The following CCSER1 variants were observed in gnomAD, a reference collection of about 807,000 sequenced individuals.
CCSER1 encodes the protein serine-rich coiled-coil domain-containing protein 1.
CCSER1 carries 41 observed loss-of-function variants against 82.0 expected under a neutral mutation model. The observed-to-expected ratio is 0.50, with a 90% confidence interval of 0.39 to 0.65. The LOEUF (loss-of-function observed/expected upper bound fraction) is 0.65. Among genes scored for constraint, CCSER1 ranks in the 30% least tolerant of loss-of-function variants. The pLI is 0.00. For synonymous variants in CCSER1, 414 were observed against 383.9 expected, an observed-to-expected ratio of 1.08 and a Z score of -0.92; for missense variants, 1,119 against 1,064.2, an observed-to-expected ratio of 1.05 and a Z score of -0.72.
chr4:90,194,719 A>C (rs1736280500), intron 1 of CCSER1, among the ~76,000 whole-genome samples: 1 of 152,092 alleles, frequency 6.6e-6, no homozygotes, highest in African/African-American at 2.4e-5. Context: ...AAGTTGATAG[A>C]TTGTTTAAAG....
intron 10 of CCSER1, among the ~76,000 whole-genome samples, chr4:91,297,090 T>C (rs1205912979): frequency 1.3e-5 from 2 of 151,680 alleles, no homozygotes; most frequent in Non-Finnish European, 2.9e-5. Flanking sequence ...TGTAAAGGAA[T>C]GTTCAGGGTT....
chr4:90,904,543 A>G (rs1039776411), intron 8 of CCSER1, among the ~76,000 whole-genome samples: 1 of 152,160 alleles, frequency 6.6e-6, no homozygotes, highest in Non-Finnish European at 1.5e-5. Flanking sequence ...TTCCCTAAAA[A>G]TCAATGAATC....
Position 91,496,612 on chromosome 4 carries a change from ATACACG to A in CCSER1, c.2218-101959_2218-101954del, listed in dbSNP as rs1465697606. 2.9e-3 allele frequency among the ~76,000 whole-genome samples: 65 copies of A among 22,334 alleles called. 27 individuals carry two copies. Among genetic ancestry groups the A allele is most frequent in the Admixed American group, 0.011 (26 of 2,318 alleles). 14.7% of individuals were successfully genotyped at this position (22,334 alleles called of 152,430 possible). ...CACGAATATATATTTGAATATATAT[ATACACG>A]AATATATATTTGAATATATATATAT... On this transcript the variant is annotated intron_variant, in intron 10 of 10. Transcript: ENST00000509176.
intron 10 of CCSER1, among the ~76,000 whole-genome samples, chr4:91,569,728 G>T (rs1763075234): frequency 6.6e-6 from 1 of 152,096 alleles, no homozygotes; most frequent in Admixed American, 6.5e-5. Flanking sequence ...AAAACATGGG[G>T]ATCATGGGAA....
chr4:91,440,988 A>G (rs1469755656), intron 10 of CCSER1, among the ~76,000 whole-genome samples: 1 of 151,932 alleles, frequency 6.6e-6, no homozygotes, highest in African/African-American at 2.4e-5. Flanking sequence ...ATAGCTTACC[A>G]ACCAAAAAGA....
intron 8 of CCSER1, among the ~76,000 whole-genome samples, chr4:90,829,503 A>G (rs1043033237): frequency 6.6e-6 from 1 of 152,192 alleles, no homozygotes; most frequent in African/African-American, 2.4e-5. Context: ...TAGTGGTGGT[A>G]GAGATCCAAG....
At chr4:90,749,630 G>T (rs139291306) in intron 7 of CCSER1, among the ~76,000 whole-genome samples, 1 of 151,942 alleles carries the variant, frequency 6.6e-6, no homozygotes, top group Non-Finnish European at 1.5e-5. Context: ...ACCTTGGGCA[G>T]TATGGCCATT....
chr4:90,312,603 C>G (rs925875487), intron 2 of CCSER1, among the ~76,000 whole-genome samples: 16 of 152,144 alleles, frequency 1.1e-4, no homozygotes, highest in Non-Finnish European at 2.4e-4. Context: ...ATTCTGTATA[C>G]AGTTTGAAGG....
At chr4:90,846,118 C>T (rs1028263253) in intron 8 of CCSER1, among the ~76,000 whole-genome samples, 1 of 152,196 alleles carries the variant, frequency 6.6e-6, no homozygotes, top group African/African-American at 2.4e-5. Context: ...CTTTATCTCA[C>T]ATATAAATTG....
chr4:90,373,573 CATTT>C (rs1401844083), intron 3 of CCSER1, among the ~76,000 whole-genome samples: 2 of 152,056 alleles, frequency 1.3e-5, no homozygotes, highest in East Asian at 1.9e-4. Flanking sequence ...TTAATTAGGT[CATTT>C]ATTTAGTGAT....
intron 6 of CCSER1, among the ~76,000 whole-genome samples, chr4:90,634,090 T>C (rs1160221372): frequency 6.6e-6 from 1 of 151,784 alleles, no homozygotes; most frequent in African/African-American, 2.4e-5. Flanking sequence ...AGAAAATGTT[T>C]AATATCTACA....
chr4:90,755,245 TGATAAACAAGTAA>T (rs1285610913), intron 7 of CCSER1, among the ~76,000 whole-genome samples: 1 of 152,124 alleles, frequency 6.6e-6, no homozygotes, highest in East Asian at 1.9e-4. Flanking sequence ...GGGTGCATAT[TGATAAACAAGTAA>T]GAGTCAGTGC....
In CCSER1 at chr4:90,238,792, G is replaced by A. The variant is rs147287051; in HGVS notation, c.-41-69452G>A. ...TTTTGTCTGTAATGGAGCTCTATAGGAATTAAATCTTCTGAAAACAGTCTT... is the reference window on the plus strand; with the variant it reads ...TTTTGTCTGTAATGGAGCTCTATAGAAATTAAATCTTCTGAAAACAGTCTT... On this transcript the variant is annotated intron_variant, in intron 1 of 10. Coordinates refer to ENST00000509176, the MANE Select transcript of CCSER1 (RefSeq NM_001145065.2). Among the ~76,000 whole-genome samples, 994 of 152,000 alleles carry A rather than the reference G, an allele frequency of 6.5e-3. 13 individuals are homozygous for A. The highest frequency in any genetic ancestry group is 0.041 in the South Asian group (195 of 4,810).
chr4:90,392,162 A>C (rs1437380015), intron 3 of CCSER1, among the ~76,000 whole-genome samples: 2 of 152,014 alleles, frequency 1.3e-5, no homozygotes, highest in Non-Finnish European at 2.9e-5. Flanking sequence ...AGCAGTCATT[A>C]AATTTTAACT....
intron 7 of CCSER1, chr4:90,727,419 C>A (rs1301312225): frequency 2.6e-6 from 1 of 390,828 alleles, no homozygotes; most frequent in Non-Finnish European, 5.0e-6. Context: ...TTATAGTTTT[C>A]TGAGGACTAA....
intron 1 of CCSER1, among the ~76,000 whole-genome samples, chr4:90,262,381 C>G (rs1433571003): frequency 1.3e-5 from 2 of 152,106 alleles, no homozygotes; most frequent in Admixed American, 6.6e-5. Flanking sequence ...TGCTGGCTTT[C>G]TTAGCTGCTC....
At chr4:90,807,164 A>G (rs1757626449) in intron 7 of CCSER1, among the ~76,000 whole-genome samples, 1 of 152,128 alleles carries the variant, frequency 6.6e-6, no homozygotes, top group African/African-American at 2.4e-5. Flanking sequence ...TGTAGCATCC[A>G]GGATTTGATC....
chr4:90,298,082 T>G (rs1169321596), intron 1 of CCSER1, among the ~76,000 whole-genome samples: 1 of 152,184 alleles, frequency 6.6e-6, no homozygotes, highest in Non-Finnish European at 1.5e-5. Flanking sequence ...CAGTTCCTCC[T>G]TGTACCTCTG....
intron 9 of CCSER1, among the ~76,000 whole-genome samples, chr4:90,948,911 A>AT (rs1267297040): frequency 6.6e-6 from 1 of 152,048 alleles, no homozygotes; most frequent in Non-Finnish European, 1.5e-5. Flanking sequence ...CCAACCACAG[A>AT]TGAATAGAGT....
Sources: gnomAD v4.1 joint callset for allele counts (sites outside exome capture counted in the v4.1 genomes callset) on GRCh38, gnomAD v4.1.1 for gene constraint, MANE v1.5 for transcripts, NCBI Gene and HGNC (gene_info 2026-07-23, HGNC 2026-07-21) for gene names.